Variants in DGKG observed in about 807,000 individuals in gnomAD.
DGKG encodes diacylglycerol kinase gamma, also known as DAG kinase gamma.
Under a neutral mutation model 105.3 loss-of-function variants are expected in DGKG, and 78 were observed. That is an observed-to-expected ratio of 0.74 (90% confidence interval 0.62 to 0.89). The LOEUF is 0.89. Among genes scored for constraint, DGKG ranks in the 40% least tolerant of loss-of-function variants. The probability of loss-of-function intolerance (pLI) is 0.00; values close to 1 mark genes in which losing one functional copy is unlikely to be tolerated. For synonymous variants in DGKG, 346 were observed against 367.1 expected (o/e 0.94, Z 0.66); for missense variants, 958 against 1,020.1 (o/e 0.94, Z 0.83).
intron 22 of DGKG, among the ~76,000 whole-genome samples, chr3:186,168,042 A>G (rs1234493556): frequency 6.6e-6 from 1 of 152,210 alleles, no homozygotes; most frequent in Non-Finnish European, 1.5e-5. Flanking sequence ...ATGAGCGCCA[A>G]GGTAATTTTT....
At chr3:186,244,738 G>C (rs992221588) in intron 19 of DGKG, among the ~76,000 whole-genome samples, 1 of 152,070 alleles carries the variant, frequency 6.6e-6, no homozygotes, top group African/African-American at 2.4e-5. Context: ...TATATTAAGA[G>C]TTTAAGGTCT....
intron 22 of DGKG, among the ~76,000 whole-genome samples, chr3:186,184,886 G>C (rs920042160): frequency 6.6e-6 from 1 of 152,084 alleles, no homozygotes; most frequent in Admixed American, 6.6e-5. Flanking sequence ...TCAGCCAGTA[G>C]CCTATAAATC....
chr3:186,280,323 C>T (rs1722772848), intron 8 of DGKG, among the ~76,000 whole-genome samples: 1 of 152,212 alleles, frequency 6.6e-6, no homozygotes, highest in South Asian at 2.1e-4. Flanking sequence ...TGTAATTATT[C>T]TTATAATTCA....
intron 21 of DGKG, among the ~76,000 whole-genome samples, chr3:186,207,730 T>C (rs1475209029): frequency 6.6e-6 from 1 of 152,236 alleles, no homozygotes; most frequent in Non-Finnish European, 1.5e-5. Context: ...GCCATGTGTC[T>C]ACAGGTGAGC....
chr3:186,238,534 T>C (rs957063495), intron 20 of DGKG, among the ~76,000 whole-genome samples: 1 of 152,190 alleles, frequency 6.6e-6, no homozygotes, highest in African/African-American at 2.4e-5. Flanking sequence ...AGGGGCCACA[T>C]CTTATGTGCC....
At position 186,227,081 on chromosome 3, in the gene DGKG, A is replaced by G. The variant is rs560832521; in HGVS notation, c.1827-15196T>C. Among the ~76,000 whole-genome samples the G allele has an allele frequency of 3.9e-5, 6 of 152,304 alleles. No individual in the cohort carries two copies. The East Asian group carries it at 5.8e-4, about 15-fold the overall frequency. Reference sequence around the variant, plus strand: ...GATGACCCCCTTTGGAGGAGCGTTTATAGAGGGGATGCTTACACTGAGAAG... The same window carrying G: ...GATGACCCCCTTTGGAGGAGCGTTTGTAGAGGGGATGCTTACACTGAGAAG... On this transcript the variant is annotated intron_variant, in intron 20 of 24. Coordinates refer to ENST00000265022, the MANE Select transcript of DGKG (RefSeq NM_001346.3).
intron 1 of DGKG, among the ~76,000 whole-genome samples, chr3:186,337,404 TAAAAAAACAAAC>T (rs774591907): frequency 3.0e-4 from 45 of 151,466 alleles, no homozygotes; most frequent in Non-Finnish European, 5.2e-4. Context: ...TGAAATATAA[TAAAAAAACAAAC>T]AAAAAAACAA....
At chr3:186,335,950 A>G (rs1020914937) in intron 1 of DGKG, among the ~76,000 whole-genome samples, 1 of 152,216 alleles carries the variant, frequency 6.6e-6, no homozygotes, top group African/African-American at 2.4e-5. Context: ...ACATATTTGT[A>G]GTAGGTGCTG....
intron 22 of DGKG, among the ~76,000 whole-genome samples, chr3:186,186,096 C>CCA (rs1717620159): frequency 1.3e-5 from 1 of 75,272 alleles, no homozygotes; most frequent in African/African-American, 5.4e-5. Context: ...GACTCTGCCT[C>CCA]AAAAAAAAAA....
At chr3:186,238,842 A>G (rs1720543523) in intron 20 of DGKG, among the ~76,000 whole-genome samples, 2 of 152,168 alleles carry the variant, frequency 1.3e-5, no homozygotes, top group East Asian at 3.8e-4. Context: ...TCTGGAACCC[A>G]CTATCTTCCC....
chr3:186,256,916 C>T (rs948620898), intron 17 of DGKG, among the ~76,000 whole-genome samples: 6 of 152,232 alleles, frequency 3.9e-5, no homozygotes, highest in African/African-American at 1.4e-4. Context: ...GTACTTTAAA[C>T]ACTTCCTGAC....
At chr3:186,249,294 C>T (rs1310570875) in intron 19 of DGKG, among the ~76,000 whole-genome samples, 1 of 152,166 alleles carries the variant, frequency 6.6e-6, no homozygotes, top group Admixed American at 6.5e-5. Flanking sequence ...CCTCTCAGAA[C>T]CCGATCATGG....
chr3:186,237,100 C>T (rs769999367), intron 20 of DGKG, among the ~76,000 whole-genome samples: 3 of 152,226 alleles, frequency 2.0e-5, no homozygotes, highest in African/African-American at 7.2e-5. Flanking sequence ...TCTGCTAGTA[C>T]TGATTGCTGC....
intron 20 of DGKG, among the ~76,000 whole-genome samples, chr3:186,229,437 G>A (rs1031931256): frequency 1.3e-5 from 2 of 152,008 alleles, no homozygotes; most frequent in Non-Finnish European, 2.9e-5. Context: ...TAGAGACGGG[G>A]TTTCACCATG....
chr3:186,181,553 C>T (rs754528909), intron 22 of DGKG, among the ~76,000 whole-genome samples: 3 of 152,056 alleles, frequency 2.0e-5, no homozygotes, highest in Non-Finnish European at 4.4e-5. Flanking sequence ...GCCAGCATGG[C>T]GAAACCTAGT....
intron 5 of DGKG, among the ~76,000 whole-genome samples, chr3:186,295,502 A>AAATAATAATAATAAT (rs56221168): frequency 6.9e-6 from 1 of 145,386 alleles, no homozygotes; most frequent in Non-Finnish European, 1.5e-5. Context: ...CTCCGTCTCA[A>AAATAATAATAATAAT]AATAATAATA....
chr3:186,290,350 G>A (rs528111068), intron 5 of DGKG, among the ~76,000 whole-genome samples: 1 of 152,146 alleles, frequency 6.6e-6, no homozygotes, highest in South Asian at 2.1e-4. Context: ...AGGAAAACAT[G>A]GGAACAGGCC....
intron 7 of DGKG, among the ~76,000 whole-genome samples, chr3:186,283,440 C>G (rs958440690): frequency 2.0e-5 from 3 of 152,156 alleles, no homozygotes; most frequent in Non-Finnish European, 1.5e-5. Flanking sequence ...CCTAGAATTA[C>G]TCCCTCACCT....
chr3:186,234,238 C>CT (rs1720304092), intron 20 of DGKG, among the ~76,000 whole-genome samples: 1 of 152,234 alleles, frequency 6.6e-6, no homozygotes, highest in Non-Finnish European at 1.5e-5. Flanking sequence ...GGCTTCTCTT[C>CT]TTTGGGTGAA....
Sources: gnomAD v4.1 joint callset for allele counts (sites outside exome capture counted in the v4.1 genomes callset) on GRCh38, gnomAD v4.1.1 for gene constraint, MANE v1.5 for transcripts, NCBI Gene and HGNC (gene_info 2026-07-23, HGNC 2026-07-21) for gene names.